PRAMEF15: variants seen among roughly 807,000 people sequenced by gnomAD.
PRAMEF15 encodes PRAME family member 9/15.
In PRAMEF15, 21 loss-of-function variants were observed where a neutral mutation model predicts 35.3. The observed-to-expected ratio is 0.59, with a 90% CI of 0.42 to 0.86. The LOEUF is 0.86. Among genes scored for constraint, PRAMEF15 ranks in the 40% least tolerant of loss-of-function variants. The probability of loss-of-function intolerance (pLI) is 0.00; values close to 1 mark genes in which losing one functional copy is unlikely to be tolerated. For missense variants in PRAMEF15, 360 were observed against 574.1 expected, an observed-to-expected ratio of 0.63 and a Z score of 3.81; for synonymous variants, 122 against 223.3, an observed-to-expected ratio of 0.55 and a Z score of 4.05.
chr1:13,322,111 C>T lies in PRAMEF15; in HGVS notation c.1284C>T (p.Leu428=). ...PRESYGADGT[L]CWSRFAQIRA... is the part of the protein sequence containing the mutation. ...AGAGTTATGGTGCTGATGGTACTCTCTGCTGGAGCAGATTTGCTCAAATTA... is the reference window on the plus strand; with the variant it reads ...AGAGTTATGGTGCTGATGGTACTCTTTGCTGGAGCAGATTTGCTCAAATTA... The change falls in exon 4 of 4, where the codon CTC becomes CTT. Residue 428 remains leucine (L), a synonymous_variant. Transcript: ENST00000376152. 2 of 1,609,632 alleles carry T rather than the reference C, an allele frequency of 1.2e-6. No individual in the cohort carries two copies. Among genetic ancestry groups the T allele is most frequent in the Non-Finnish European group, 1.7e-6 (2 of 1,179,048 alleles).
In PRAMEF15 at chr1:13,322,473, C is replaced by T. The variant is rs1303518674; in HGVS notation, c.*209C>T. 22 of 819,574 alleles carry T rather than the reference C, an allele frequency of 2.7e-5. No homozygotes were observed. The Admixed American group carries it at 6.5e-4, about 24-fold the overall frequency. 50.8% of individuals were successfully genotyped at this position (819,574 alleles called of 1,614,324 possible). On this transcript the variant is annotated 3_prime_UTR_variant, in exon 4 of 4. Transcript: ENST00000376152. ...CGATGGGACTTTGGGGACCTGTGTCCTGTAGATTCGAAAATGGGAATCTGA... is the reference window on the plus strand; with the variant it reads ...CGATGGGACTTTGGGGACCTGTGTCTTGTAGATTCGAAAATGGGAATCTGA...
intron 3 of PRAMEF15, among the ~76,000 whole-genome samples, chr1:13,320,574 C>T (rs1330817857): frequency 0.021 from 3,206 of 152,030 alleles, 139 homozygotes; most frequent in African/African-American, 0.073. Flanking sequence ...CAGGCGTGAG[C>T]CACCACACCT....
In PRAMEF15 at chr1:13,319,935, A is replaced by C; in HGVS notation, c.857A>C (p.His286Pro). ...AACTCTGTTTCTTTCCTCGAAGGCC[A>C]CCTGGACCAGCTGCTCAGGTGAGGG... ...YMNSVSFLEG[H>P]LDQLLSCLKT... The change falls in exon 3 of 4, where the codon CAC (histidine) becomes CCC (proline). Residue 286 changes from histidine to proline, a missense_variant. By Grantham distance (77) the His-to-Pro change is moderately conservative (BLOSUM62 -2). This residue lies in a region of PRAMEF15 where 72 missense variants were observed against 79.9 expected (regional missense o/e 0.90). Transcript: ENST00000376152. 6.2e-7 allele frequency: 1 copy of C among 1,610,974 alleles called. No homozygotes were observed. Among genetic ancestry groups the C allele is most frequent in the African/African-American group, 1.3e-5 (1 of 74,994 alleles).
intron 3 of PRAMEF15, among the ~76,000 whole-genome samples, chr1:13,320,762 A>C (rs1290423729): frequency 6.6e-6 from 1 of 152,196 alleles, no homozygotes; most frequent in South Asian, 2.1e-4. Flanking sequence ...GAAGTAGGGA[A>C]GTGAAGTGGG....
At chr1:13,315,764 T>C (rs1207594689) in intron 1 of PRAMEF15, 106 bp downstream of exon 1, 5 of 131,228 alleles carry the variant, frequency 3.8e-5, no homozygotes, top group African/African-American at 1.3e-4. Context: ...TCCTGTCCTT[T>C]TTTTTTTTTT....
At position 13,318,506 on chromosome 1, in the gene PRAMEF15, G is replaced by A. The variant is rs1640035740; in HGVS notation, c.99G>A (p.Leu33=). The part of the protein sequence containing the change: ...QALAMSTLEE[L]PTELFPPLFM... Reference sequence around the variant, plus strand: ...TGGCCATGTCCACCCTGGAGGAGCTGCCCACAGAACTTTTCCCCCCACTGT... The same window carrying A: ...TGGCCATGTCCACCCTGGAGGAGCTACCCACAGAACTTTTCCCCCCACTGT... Residue 33 remains leucine (L), a synonymous_variant, in exon 2 of 4, where the codon CTG becomes CTA. Transcript: ENST00000376152. The A allele has an allele frequency of 6.2e-7, 1 of 1,614,118 alleles. No individual in the cohort carries two copies. The highest frequency in any genetic ancestry group is 2.2e-5 in the East Asian group (1 of 44,878).
rs571486712 is a variant in PRAMEF15, at chr1:13,319,504, G to A, written c.426G>A (p.Arg142=). 1.1e-4 allele frequency: 171 copies of A among 1,613,850 alleles called. No individual in the cohort carries two copies. Among genetic ancestry groups the A allele is most frequent in the Middle Eastern group, 5.0e-4 (3 of 6,042 alleles). The change falls in exon 3 of 4, where the codon AGG becomes AGA. Residue 142 remains arginine, a synonymous_variant. Transcript: ENST00000376152. ...RNKKPVQDCP[R]MRGRQPLTVF... ...AAAAACCAGTGCAGGACTGTCCAAG[G>A]ATGAGAGGACGGCAGCCCTTGACTG...
At position 13,319,779 on chromosome 1, in the gene PRAMEF15, G is replaced by T; in HGVS notation, c.701G>T (p.Arg234Met). Residue 234 changes from arginine to methionine, a missense_variant, in exon 3 of 4, where the codon AGG becomes ATG. Arg to Met is a moderately conservative substitution (Grantham distance 91). Around this residue, in one of 8 missense-constraint regions of PRAMEF15, gnomAD observed 36 missense variants for 164.8 expected, o/e 0.22. Coordinates refer to ENST00000376152, the MANE Select transcript of PRAMEF15 (RefSeq NM_001098376.3). ...TTTACCCCATACCTGGGCCACATGA[G>T]GAATCTTCAGAAGCTCGTTCTCTCC... ...TQFTPYLGHM[R>M]NLQKLVLSHM... 4 of 1,600,980 alleles carry T rather than the reference G, an allele frequency of 2.5e-6. No individual in the cohort carries two copies. The highest frequency in any genetic ancestry group is 3.4e-6 in the Non-Finnish European group (4 of 1,179,750).
intron 3 of PRAMEF15, among the ~76,000 whole-genome samples, chr1:13,320,768 G>C (rs1218605076): frequency 1.3e-5 from 2 of 152,124 alleles, no homozygotes; most frequent in Non-Finnish European, 2.9e-5. Context: ...GGGAAGTGAA[G>C]TGGGCACTGA....
At chr1:13,315,987 C>T (rs1639997520) in intron 1 of PRAMEF15, among the ~76,000 whole-genome samples, 2 of 150,974 alleles carry the variant, frequency 1.3e-5, no homozygotes, top group African/African-American at 2.4e-5. Context: ...TGACAAAAAC[C>T]CTCCTCTGCA....
intron 1 of PRAMEF15, among the ~76,000 whole-genome samples, chr1:13,316,785 A>G (rs1267561718): frequency 1.3e-5 from 2 of 151,398 alleles, no homozygotes; most frequent in Non-Finnish European, 2.9e-5. Flanking sequence ...GATAAATTTG[A>G]TGTGGCCAAG....
At chr1:13,319,148 C>G (rs1401579464) in intron 2 of PRAMEF15, among the ~76,000 whole-genome samples, 3 of 150,052 alleles carry the variant, frequency 2.0e-5, no homozygotes, top group African/African-American at 4.9e-5. Flanking sequence ...GAGGTGACAT[C>G]ACACCACTGC....
Position 13,319,925 on chromosome 1 carries a change from C to T in PRAMEF15, c.847C>T (p.Leu283Phe). The T allele has an allele frequency of 6.2e-7, 1 of 1,610,538 alleles. No homozygotes were observed. Among genetic ancestry groups the T allele is most frequent in the Non-Finnish European group, 8.5e-7 (1 of 1,179,836 alleles). ...QKLYMNSVSF[L>F]EGHLDQLLSC... ...GCTTTATATGAACTCTGTTTCTTTCCTCGAAGGCCACCTGGACCAGCTGCT... is the reference window on the plus strand; with the variant it reads ...GCTTTATATGAACTCTGTTTCTTTCTTCGAAGGCCACCTGGACCAGCTGCT... Residue 283 changes from leucine (L) to phenylalanine (F), a missense_variant, in exon 3 of 4, where the codon CTC becomes TTC. Around this residue, in one of 8 missense-constraint regions of PRAMEF15, gnomAD observed 36 missense variants for 164.8 expected, o/e 0.22. Transcript: ENST00000376152.
chr1:13,317,724 T>C (rs1256725049), intron 1 of PRAMEF15, among the ~76,000 whole-genome samples: 25 of 147,690 alleles, frequency 1.7e-4, no homozygotes, highest in East Asian at 6.3e-4. Flanking sequence ...TGCACTGAGC[T>C]GAGATCCCAC....
At chr1:13,316,098 C>T (rs1639999137) in intron 1 of PRAMEF15, among the ~76,000 whole-genome samples, 1 of 151,336 alleles carries the variant, frequency 6.6e-6, no homozygotes, top group African/African-American at 2.4e-5. Context: ...TTCCCGGGTT[C>T]AAGCAATTCT....
intron 1 of PRAMEF15, among the ~76,000 whole-genome samples, chr1:13,317,968 C>G (rs1172798370): frequency 7.2e-5 from 11 of 152,038 alleles, no homozygotes; most frequent in African/African-American, 2.7e-4. Context: ...CAAATAGAAC[C>G]TGTTCTAGGG....
intron 3 of PRAMEF15, among the ~76,000 whole-genome samples, chr1:13,321,219 C>CTT (rs1296123268): frequency 9.7e-5 from 14 of 143,906 alleles, no homozygotes; most frequent in African/African-American, 1.6e-4. Context: ...ATTTTTTCTC[C>CTT]TTTTTTTTTT....
At position 13,322,472 on chromosome 1, in the gene PRAMEF15, C is replaced by G; in HGVS notation, c.*208C>G. 1.2e-6 allele frequency: 1 copy of G among 815,840 alleles called. No homozygotes were observed. The allele number at this position is 815,840 out of a possible 1,614,324, so 50.5% of individuals were successfully genotyped here. ...TCGATGGGACTTTGGGGACCTGTGT[C>G]CTGTAGATTCGAAAATGGGAATCTG... On this transcript the variant is annotated 3_prime_UTR_variant, in exon 4 of 4. Coordinates refer to ENST00000376152, the MANE Select transcript of PRAMEF15 (RefSeq NM_001098376.3).
rs1353556528 is a variant in PRAMEF15, at chr1:13,319,709, G to A, written c.631G>A (p.Glu211Lys). The A allele has an allele frequency of 1.3e-6, 2 of 1,587,514 alleles. No homozygotes were observed. The highest frequency in any genetic ancestry group is 2.7e-5 in the African/African-American group (2 of 74,554). The change falls in exon 3 of 4, where the codon GAG becomes AAG. Residue 211 changes from glutamate (E) to lysine (K), a missense_variant. Transcript: ENST00000376152. Reference sequence around the variant, plus strand: ...AATGGTGAACCTAGACTGTATCCAGGAGGTGGAAGTGAATTGCAAGTGGGT... The same window carrying A: ...AATGGTGAACCTAGACTGTATCCAGAAGGTGGAAGTGAATTGCAAGTGGGT... Reference protein sequence around the residue: ...LKMVNLDCIQEVEVNCKWVLP... With the variant: ...LKMVNLDCIQKVEVNCKWVLP...
Sources: gnomAD v4.1 joint callset for allele counts (sites outside exome capture counted in the v4.1 genomes callset) on GRCh38, gnomAD v4.1.1 for gene constraint, gnomAD v4.1.1 regional missense constraint, MANE v1.5 for transcripts, NCBI Gene and HGNC (gene_info 2026-07-23, HGNC 2026-07-21) for gene names.